The following FANCC variants were observed in gnomAD, a reference collection of about 807,000 sequenced individuals.
The protein encoded by FANCC is Fanconi anemia group C protein.
A neutral mutation model predicts 71.3 loss-of-function variants in FANCC; 55 were observed. The ratio of observed to expected loss-of-function variants is 0.77; its 90% confidence interval spans 0.62 to 0.97. FANCC has a LOEUF of 0.97. Ranked by LOEUF, FANCC falls within the 50% of genes least tolerant of loss-of-function variation. FANCC has a pLI of 0.00. For synonymous variants in FANCC, 275 were observed against 244.9 expected (o/e 1.12, Z -1.15); for missense variants, 678 against 670.9 (o/e 1.01, Z -0.12).
chr9:95,126,710 A>G lies in FANCC; in HGVS notation c.844-129T>C, dbSNP rs1450359585. On this transcript the variant is annotated intron_variant, in intron 8 of 14. Coordinates refer to ENST00000289081, the MANE Select transcript of FANCC (RefSeq NM_000136.3). Reference sequence around the variant, plus strand: ...AAACTGGCATACTCCTTTTGGTTAGAAGAACGAACCACTGCTGTACTGAAA... The same window carrying G: ...AAACTGGCATACTCCTTTTGGTTAGGAGAACGAACCACTGCTGTACTGAAA... 7.7e-6 allele frequency: 7 copies of G among 908,996 alleles called. No individual in the cohort carries two copies. In the East Asian group the frequency reaches 1.9e-4, roughly 24 times the overall value. 56.3% of individuals were successfully genotyped at this position (908,996 alleles called of 1,614,324 possible).
intron 1 of FANCC, among the ~76,000 whole-genome samples, chr9:95,269,126 C>T (rs967176498): frequency 6.6e-6 from 1 of 152,154 alleles, no homozygotes; most frequent in Non-Finnish European, 1.5e-5. Context: ...CCTTCTTATT[C>T]TCCCATTTTC....
At chr9:95,130,366 A>G (rs1442234917) in intron 8 of FANCC, among the ~76,000 whole-genome samples, 1 of 152,182 alleles carries the variant, frequency 6.6e-6, no homozygotes, top group African/African-American at 2.4e-5. Flanking sequence ...AAAAAGGGAA[A>G]TTATACTATG....
intron 1 of FANCC, among the ~76,000 whole-genome samples, chr9:95,302,281 G>A (rs1398582695): frequency 6.6e-6 from 1 of 152,138 alleles, no homozygotes; most frequent in Non-Finnish European, 1.5e-5. Context: ...CTGGTAGAAA[G>A]AAACACAAGT....
intron 10 of FANCC, among the ~76,000 whole-genome samples, chr9:95,119,715 C>T (rs548023393): frequency 6.7e-6 from 1 of 150,316 alleles, no homozygotes; most frequent in East Asian, 2.0e-4. Flanking sequence ...ATTTTACATT[C>T]CTTTCTTATT....
chr9:95,110,404 A>T, intron 13 of FANCC: 2 of 1,024,504 alleles, frequency 2.0e-6, no homozygotes, highest in Non-Finnish European at 2.3e-6. Context: ...ATTACTGTTA[A>T]AAACATCAAC....
At chr9:95,294,910 G>A in intron 1 of FANCC, 1 of 1,096,768 alleles carries the variant, frequency 9.1e-7, no homozygotes, top group Non-Finnish European at 1.2e-6. Context: ...GAATGTGGCT[G>A]ATGATGCAGT....
intron 6 of FANCC, among the ~76,000 whole-genome samples, chr9:95,169,019 C>T (rs1825489949): frequency 6.6e-6 from 1 of 152,150 alleles, no homozygotes; most frequent in Non-Finnish European, 1.5e-5. Flanking sequence ...TCAAGTAACT[C>T]TTATTTTATT....
chr9:95,107,367 G>T (rs1409993647), intron 13 of FANCC, 98 bp from the exon 14 acceptor site: 1 of 1,296,444 alleles, frequency 7.7e-7, no homozygotes, highest in Non-Finnish European at 1.1e-6. Context: ...CCCAGAAACG[G>T]GTAAGCACTG....
intron 1 of FANCC, among the ~76,000 whole-genome samples, chr9:95,312,560 C>G (rs191195399): frequency 4.6e-5 from 7 of 152,328 alleles, no homozygotes; most frequent in African/African-American, 1.2e-4. Context: ...CTATGTTGCC[C>G]AGGCTTGTCT....
intron 4 of FANCC, among the ~76,000 whole-genome samples, chr9:95,220,877 TAATA>T (rs200843713): frequency 0.034 from 5,163 of 151,710 alleles, 313 homozygotes; most frequent in African/African-American, 0.12. Flanking sequence ...TAAAAAATAA[TAATA>T]AATAAATAAA....
Position 95,099,898 on chromosome 9 carries a change from G to A in FANCC, c.*1809C>T, listed in dbSNP as rs1460735374. 3.4e-5 allele frequency: 8 copies of A among 233,166 alleles called. No homozygotes were observed. The highest frequency in any genetic ancestry group is 8.8e-5 in the African/African-American group (4 of 45,294). The allele number at this position is 233,166 out of a possible 1,614,324, so 14.4% of individuals were successfully genotyped here. A position where few individuals can be genotyped will look rare whatever the true frequency, so the allele number is the denominator to read the frequency against. On this transcript the variant is annotated 3_prime_UTR_variant, in exon 15 of 15. Coordinates refer to ENST00000289081, the MANE Select transcript of FANCC (RefSeq NM_000136.3). Reference sequence around the variant, plus strand: ...AAGGAAGGGGCATGGGCAGAGGCCTGGCAGGGGAGGAGGAAGAGGCCAACC... The same window carrying A: ...AAGGAAGGGGCATGGGCAGAGGCCTAGCAGGGGAGGAGGAAGAGGCCAACC...
rs188738092 is a variant in FANCC, at chr9:95,192,535, T to A, written c.346-20388A>T. Among the ~76,000 whole-genome samples the A allele has an allele frequency of 6.6e-5, 10 of 152,338 alleles. 1 individual carries two copies. Among genetic ancestry groups the A allele is most frequent in the African/African-American group, 2.2e-4 (9 of 41,576 alleles). ...TATAACATTTTTCACAGGGAGCTGT[T>A]CAACGCAATTACGAATGAACAAACT... On this transcript the variant is annotated intron_variant, in intron 4 of 14. Coordinates refer to ENST00000289081, the MANE Select transcript of FANCC (RefSeq NM_000136.3).
intron 4 of FANCC, among the ~76,000 whole-genome samples, chr9:95,224,393 C>A (rs1829477985): frequency 6.6e-6 from 1 of 152,132 alleles, no homozygotes; most frequent in South Asian, 2.1e-4. Flanking sequence ...CACCTATAAA[C>A]ACGGTGACAA....
At chr9:95,226,283 T>C (rs547382564) in intron 4 of FANCC, among the ~76,000 whole-genome samples, 1 of 152,320 alleles carries the variant, frequency 6.6e-6, no homozygotes, top group South Asian at 2.1e-4. Context: ...TATAAAAAAA[T>C]TTTCCACAAT....
At position 95,249,255 on chromosome 9, in the gene FANCC, G is replaced by A. The variant is rs121917784; in HGVS notation, c.37C>T (p.Gln13Ter). The change falls in exon 2 of 15, where the codon CAG (glutamine) becomes TAG (stop). Residue 13 changes from glutamine (Q) to a stop codon, truncating the protein, a stop_gained. Transcript: ENST00000289081. LOFTEE classifies it high-confidence loss of function. Reference protein sequence around the residue: ...QDSVDLSCDYQFWMQKLSVWD... With the variant: ...QDSVDLSCDY The stretch of plus-strand genomic sequence containing the variant: ...ACAGAAAGCTTCTGCATCCAAAACT[G>A]ATAATCACAAGAAAGATCTACTGAA... 5.0e-6 allele frequency: 8 copies of A among 1,614,012 alleles called. No individual in the cohort carries two copies. The highest frequency in any genetic ancestry group is 6.8e-6 in the Non-Finnish European group (8 of 1,180,030).
At chr9:95,185,239 A>G (rs1826641263) in intron 4 of FANCC, among the ~76,000 whole-genome samples, 1 of 152,228 alleles carries the variant, frequency 6.6e-6, no homozygotes, top group Non-Finnish European at 1.5e-5. Context: ...TGCAAATAGC[A>G]CTCTTCATAT....
At chr9:95,257,451 A>G (rs1034672825) in intron 1 of FANCC, among the ~76,000 whole-genome samples, 3 of 152,264 alleles carry the variant, frequency 2.0e-5, no homozygotes, top group Non-Finnish European at 4.4e-5. Context: ...TAATGAAATG[A>G]AGGCAGAAAT....
intron 4 of FANCC, among the ~76,000 whole-genome samples, chr9:95,177,191 C>A (rs1209333574): frequency 6.6e-6 from 1 of 152,166 alleles, no homozygotes; most frequent in African/African-American, 2.4e-5. Flanking sequence ...CATGGGAGAG[C>A]CTATTGCTCC....
intron 8 of FANCC, 42 bp from the exon 9 acceptor site, chr9:95,126,623 C>G: frequency 6.2e-7 from 1 of 1,602,066 alleles, no homozygotes; most frequent in Non-Finnish European, 8.6e-7. Context: ...ATATCACAAG[C>G]ACTTTCTCAG....
Sources: gnomAD v4.1 joint callset for allele counts (sites outside exome capture counted in the v4.1 genomes callset) on GRCh38, gnomAD v4.1.1 for gene constraint, MANE v1.5 for transcripts, NCBI Gene and HGNC (gene_info 2026-07-23, HGNC 2026-07-21) for gene names.